Variants in BIRC6 observed in about 807,000 individuals in gnomAD.
The protein encoded by BIRC6 is baculoviral IAP repeat containing 6, also known as dual E2 ubiquitin-conjugating enzyme/E3 ubiquitin-protein ligase BIRC6.
A neutral mutation model predicts 503.3 loss-of-function variants in BIRC6; 98 were observed. That is an observed-to-expected ratio of 0.19 (90% CI 0.17 to 0.23). The LOEUF (loss-of-function observed/expected upper bound fraction) is 0.23, where lower values mean the gene tolerates loss of function less well. BIRC6 is among the 10% of genes least tolerant of loss of function. The pLI is 1.00. For synonymous variants in BIRC6, 2,240 were observed against 2,078.7 expected, an observed-to-expected ratio of 1.08 and a Z score of -2.11; for missense variants, 5,360 against 5,806.0, an observed-to-expected ratio of 0.92 and a Z score of 2.50.
At chr2:32,413,176 AT>A (rs766213127) in intron 9 of BIRC6, among the ~76,000 whole-genome samples, 9,109 of 122,014 alleles carry the variant, frequency 0.075, 226 homozygotes, top group Non-Finnish European at 0.092. Context: ...TGCCCGGCTA[AT>A]TTTTTTTTTT....
At position 32,431,085 on chromosome 2, in the gene BIRC6, C is replaced by G. The variant is rs150059343; in HGVS notation, c.3243C>G (p.Thr1081=). The change falls in exon 12 of 74, where the codon ACC becomes ACG. Residue 1081 remains threonine (T), a synonymous_variant. Transcript: ENST00000421745. ...AQHTRTWKLQ[T]DSNSWDEHVF... The stretch of plus-strand genomic sequence containing the variant: ...ATACTCGAACTTGGAAACTACAGAC[C>G]GACAGGTAAAAGATATTCCCAAGAT... The G allele has an allele frequency of 4.4e-6, 7 of 1,604,834 alleles. No individual in the cohort carries two copies. Among genetic ancestry groups the G allele is most frequent in the Non-Finnish European group, 5.1e-6 (6 of 1,173,698 alleles).
rs2052920196 is a variant in BIRC6, at chr2:32,499,662, T to C, written c.8584T>C (p.Ser2862Pro). The C allele has an allele frequency of 1.2e-6, 2 of 1,613,924 alleles. No homozygotes were observed. The highest frequency in any genetic ancestry group is 1.7e-6 in the Non-Finnish European group (2 of 1,179,860). ...SVSTISAVIE[S>P]VTFLVHHYIT... Reference sequence around the variant, plus strand: ...TAGTACTATTTCTGCCGTGATAGAATCGGTTACATTTTTAGTGCACCACTA... The same window carrying C: ...TAGTACTATTTCTGCCGTGATAGAACCGGTTACATTTTTAGTGCACCACTA... The change falls in exon 46 of 74, where the codon TCG becomes CCG. Residue 2862 changes from serine (S) to proline (P), a missense_variant. Physicochemically the swap from Ser to Pro is moderately conservative, Grantham distance 74. Around this residue, in one of 16 missense-constraint regions of BIRC6, gnomAD observed 2,299 missense variants for 2,267.2 expected, o/e 1.01. Coordinates refer to ENST00000421745, the MANE Select transcript of BIRC6 (RefSeq NM_016252.4).
At chr2:32,528,015 A>G (rs1399347280) in intron 59 of BIRC6, 1 of 152,230 alleles carries the variant, frequency 6.6e-6, no homozygotes, top group African/African-American at 2.4e-5. Context: ...GCTAAAAACC[A>G]TGTTAATGAG....
chr2:32,429,614 A>G (rs1307224264), intron 11 of BIRC6, among the ~76,000 whole-genome samples: 1 of 152,120 alleles, frequency 6.6e-6, no homozygotes, highest in Non-Finnish European at 1.5e-5. Flanking sequence ...CACTGAGGAT[A>G]TATTTAGGTG....
intron 49 of BIRC6, among the ~76,000 whole-genome samples, chr2:32,503,445 C>T (rs1044304078): frequency 6.6e-6 from 1 of 151,084 alleles, no homozygotes; most frequent in Admixed American, 6.6e-5. Flanking sequence ...TGTTTTGAGA[C>T]GGAGTTTTGC....
At chr2:32,538,884 G>A (rs1167258284) in intron 61 of BIRC6, among the ~76,000 whole-genome samples, 1 of 152,120 alleles carries the variant, frequency 6.6e-6, no homozygotes, top group African/African-American at 2.4e-5. Context: ...CTGCAGCCTG[G>A]GTGACAGAGT....
intron 44 of BIRC6, 66 bp downstream of exon 44, chr2:32,491,624 T>C: frequency 6.7e-7 from 1 of 1,493,832 alleles, no homozygotes; most frequent in South Asian, 1.3e-5. Context: ...AATGTAAAGC[T>C]ATGTAACTTT....
At chr2:32,591,137 C>G (rs2061359168) in intron 66 of BIRC6, among the ~76,000 whole-genome samples, 3 of 152,096 alleles carry the variant, frequency 2.0e-5, no homozygotes, top group Admixed American at 2.0e-4. Flanking sequence ...TCAAAGTATT[C>G]TCACCATTTA....
At chr2:32,445,216 C>T (rs1457611706) in intron 20 of BIRC6, among the ~76,000 whole-genome samples, 1 of 152,194 alleles carries the variant, frequency 6.6e-6, no homozygotes, top group Non-Finnish European at 1.5e-5. Flanking sequence ...TCAGAGGCAT[C>T]TCACATTATT....
At chr2:32,419,925 A>G (rs1021888658) in intron 10 of BIRC6, among the ~76,000 whole-genome samples, 3 of 152,204 alleles carry the variant, frequency 2.0e-5, no homozygotes, top group Non-Finnish European at 4.4e-5. Flanking sequence ...AATGAACGTC[A>G]TATTTTGTCA....
chr2:32,448,620 C>G (rs987887598), intron 21 of BIRC6, among the ~76,000 whole-genome samples, 175 bp from the exon 22 acceptor site: 167 of 150,562 alleles, frequency 1.1e-3, no homozygotes, highest in Non-Finnish European at 1.5e-3. Context: ...AGCTTCGGCT[C>G]GGCATCAGAG....
intron 45 of BIRC6, among the ~76,000 whole-genome samples, chr2:32,496,233 C>CTT (rs150687120): frequency 2.8e-4 from 41 of 145,718 alleles, no homozygotes; most frequent in South Asian, 6.5e-4. Flanking sequence ...AATTCATACA[C>CTT]TTTTTTTTTT....
intron 35 of BIRC6, 93 bp from the exon 36 acceptor site, chr2:32,478,542 T>C (rs1229195080): frequency 1.8e-6 from 2 of 1,096,354 alleles, no homozygotes; most frequent in African/African-American, 1.6e-5. Context: ...TGAAACCTAT[T>C]GTTCAGTGCT....
At chr2:32,407,370 G>A (rs750532665) in intron 9 of BIRC6, among the ~76,000 whole-genome samples, 8 of 151,390 alleles carry the variant, frequency 5.3e-5, no homozygotes, top group African/African-American at 9.7e-5. Context: ...GTTTGAACCC[G>A]GGAGGCGGAG....
chr2:32,498,798 T>C (rs1289048070), intron 45 of BIRC6, among the ~76,000 whole-genome samples: 1 of 152,102 alleles, frequency 6.6e-6, no homozygotes, highest in African/African-American at 2.4e-5. Flanking sequence ...GTTGGCCAGG[T>C]TGGTCTCAAA....
chr2:32,519,126 CT>C, intron 57 of BIRC6, 180 bp downstream of exon 57: 3 of 580,782 alleles, frequency 5.2e-6, no homozygotes, highest in Non-Finnish European at 8.5e-6. Context: ...ATGTAAAATA[CT>C]TTTAGGCACC....
chr2:32,489,667 G>C (rs1410991339), intron 42 of BIRC6, among the ~76,000 whole-genome samples: 1 of 151,966 alleles, frequency 6.6e-6, no homozygotes, highest in Non-Finnish European at 1.5e-5. Context: ...CTGTGTTGAC[G>C]CATGCCTATA....
chr2:32,469,472 A>G lies in BIRC6; in HGVS notation c.6205A>G (p.Ser2069Gly), dbSNP rs1374628242. 3 of 1,613,958 alleles carry G rather than the reference A, an allele frequency of 1.9e-6. No individual in the cohort carries two copies. In the Admixed American group the frequency reaches 5.0e-5, roughly 27 times the overall value. Residue 2069 changes from serine to glycine, a missense_variant, in exon 30 of 74, where the codon AGT becomes GGT. Physicochemically the swap from Ser to Gly is moderately conservative, Grantham distance 56 (BLOSUM62 0). Coordinates refer to ENST00000421745, the MANE Select transcript of BIRC6 (RefSeq NM_016252.4). ...CEELFKHLCI[S>G]GTPKIRLHTG... ...AGAGCTCTTTAAACACTTGTGCATC[A>G]GTGGAACCCCAAAGATACGGTTACA...
chr2:32,406,380 C>A, intron 8 of BIRC6, 119 bp from the exon 9 acceptor site: 1 of 678,658 alleles, frequency 1.5e-6, no homozygotes. Flanking sequence ...GCCTGGATGA[C>A]AGACTGAGAC....
Sources: gnomAD v4.1 joint callset for allele counts (sites outside exome capture counted in the v4.1 genomes callset) on GRCh38, gnomAD v4.1.1 for gene constraint, gnomAD v4.1.1 regional missense constraint, MANE v1.5 for transcripts, NCBI Gene and HGNC (gene_info 2026-07-23, HGNC 2026-07-21) for gene names.